The following NUP210L variants were observed in gnomAD, a reference collection of about 807,000 sequenced individuals.
NUP210L encodes nuclear pore membrane glycoprotein 210-like.
A neutral mutation model predicts 208.5 loss-of-function variants in NUP210L; 74 were observed. That is an observed-to-expected ratio of 0.35 (90% CI 0.29 to 0.43). The LOEUF is 0.43. Ranked by LOEUF, NUP210L falls within the 20% of genes least tolerant of loss-of-function variation. NUP210L has a pLI of 1.00. For synonymous variants in NUP210L, 780 were observed against 816.9 expected, an observed-to-expected ratio of 0.95 and a Z score of 0.77; for missense variants, 1,843 against 2,289.4, an observed-to-expected ratio of 0.81 and a Z score of 3.98.
intron 32 of NUP210L, among the ~76,000 whole-genome samples, chr1:154,021,291 G>A (rs1651546942): frequency 6.6e-6 from 1 of 152,104 alleles, no homozygotes; most frequent in Non-Finnish European, 1.5e-5. Flanking sequence ...TTGTTTTCAA[G>A]AGTATAGTTG....
intron 16 of NUP210L, among the ~76,000 whole-genome samples, chr1:154,074,151 C>T (rs1464771692): frequency 6.6e-6 from 1 of 151,960 alleles, no homozygotes; most frequent in Admixed American, 6.6e-5. Context: ...CACTGGAGAT[C>T]TCTCCAGTAT....
intron 23 of NUP210L, 151 bp downstream of exon 23, chr1:154,056,664 T>C (rs1255000976): frequency 1.5e-6 from 1 of 666,268 alleles, no homozygotes; most frequent in Non-Finnish European, 2.4e-6. Flanking sequence ...TAAGTGATGT[T>C]CCCACCTCAG....
intron 16 of NUP210L, among the ~76,000 whole-genome samples, chr1:154,072,024 G>A (rs1261920483): frequency 1.3e-5 from 2 of 151,388 alleles, no homozygotes; most frequent in East Asian, 3.9e-4. Flanking sequence ...TTATCCACTC[G>A]TTAATTGATG....
At chr1:154,106,059 G>A (rs1656744208) in intron 12 of NUP210L, among the ~76,000 whole-genome samples, 1 of 151,968 alleles carries the variant, frequency 6.6e-6, no homozygotes, top group Admixed American at 6.6e-5. Context: ...TCAGGTGTTC[G>A]AGACCAGCCT....
At chr1:154,089,459 C>T (rs1406115174) in exon 16 of NUP210L, 1 of 1,614,168 alleles carries the variant, frequency 6.2e-7, no homozygotes, top group Non-Finnish European at 8.5e-7. Flanking sequence ...CATGGCTGGG[C>T]ACCAGCTGGC....
At chr1:154,139,720 T>A in intron 5 of NUP210L, 82 bp downstream of exon 5, 1 of 1,049,394 alleles carries the variant, frequency 9.5e-7, no homozygotes, top group Non-Finnish European at 1.4e-6. Flanking sequence ...GGGTAGTGCA[T>A]TCTTGTAGTA....
intron 37 of NUP210L, among the ~76,000 whole-genome samples, chr1:153,999,567 A>G (rs1650087674): frequency 1.3e-5 from 2 of 151,854 alleles, no homozygotes; most frequent in Admixed American, 1.3e-4. Flanking sequence ...GTGAAACCCC[A>G]TTTCTACAAA....
chr1:154,010,247 G>T, intron 34 of NUP210L, 126 bp from the exon 35 acceptor site: 1 of 792,780 alleles, frequency 1.3e-6, no homozygotes, highest in Non-Finnish European at 2.0e-6. Flanking sequence ...GTTATGGCTG[G>T]TTTGCCCACC....
intron 30 of NUP210L, 100 bp downstream of exon 30, chr1:154,025,442 G>T: frequency 1.4e-5 from 9 of 639,590 alleles, no homozygotes; most frequent in Non-Finnish European, 1.4e-5. Flanking sequence ...TTAATGGCAT[G>T]ATAAGAAAAT....
At chr1:154,145,770 G>A (rs1207351282) in intron 2 of NUP210L, among the ~76,000 whole-genome samples, 1 of 152,124 alleles carries the variant, frequency 6.6e-6, no homozygotes, top group Non-Finnish European at 1.5e-5. Flanking sequence ...TAATATCTAT[G>A]CAGATAGATA....
intron 24 of NUP210L, 134 bp downstream of exon 24, chr1:154,054,636 T>C: frequency 1.3e-6 from 1 of 774,382 alleles, no homozygotes; most frequent in East Asian, 2.7e-5. Context: ...ATACTAATCT[T>C]GTTCTTTATC....
chr1:154,078,091 GC>G (rs1655133554), intron 16 of NUP210L, among the ~76,000 whole-genome samples: 1 of 151,510 alleles, frequency 6.6e-6, no homozygotes, highest in Non-Finnish European at 1.5e-5. Flanking sequence ...GATCGCTTGA[GC>G]CCAGGAGTTC....
intron 25 of NUP210L, among the ~76,000 whole-genome samples, chr1:154,049,179 G>A (rs978929962): frequency 1.3e-5 from 2 of 152,148 alleles, no homozygotes; most frequent in African/African-American, 4.8e-5. Context: ...AGCCCCTGAA[G>A]TATATCAAAG....
Position 154,039,074 on chromosome 1 carries a change from T to G in NUP210L, c.3696+6995A>C, listed in dbSNP as rs1394382868. 2.0e-5 allele frequency among the ~76,000 whole-genome samples: 3 copies of G among 152,296 alleles called. No individual in the cohort carries two copies. In the East Asian group the frequency reaches 5.8e-4, roughly 29 times the overall value. Reference sequence around the variant, plus strand: ...ATTACAGCGTTATAATATTCTGTGGTTTTCTGTGTACTTACTATTACCAGT... The same window carrying G: ...ATTACAGCGTTATAATATTCTGTGGGTTTCTGTGTACTTACTATTACCAGT... On this transcript the variant is annotated intron_variant, in intron 27 of 39. Coordinates refer to ENST00000368559, the Ensembl canonical transcript of NUP210L.
At chr1:154,088,686 T>G (rs886149050) in intron 16 of NUP210L, among the ~76,000 whole-genome samples, 2 of 152,106 alleles carry the variant, frequency 1.3e-5, no homozygotes, top group Non-Finnish European at 2.9e-5. Flanking sequence ...TACTTTGGAG[T>G]CAGACAGAAT....
intron 4 of NUP210L, among the ~76,000 whole-genome samples, chr1:154,141,078 A>G (rs1416722007): frequency 2.0e-5 from 3 of 151,672 alleles, no homozygotes; most frequent in South Asian, 4.2e-4. Context: ...TCTGAGATCT[A>G]CTCCTTGGTA....
chr1:154,016,248 T>TTAAAAGAAAAAAAAACAGTGA (rs1314600116), intron 33 of NUP210L, among the ~76,000 whole-genome samples: 2 of 151,282 alleles, frequency 1.3e-5, no homozygotes, highest in African/African-American at 4.9e-5. Context: ...AGTGAGACAC[T>TTAAAAGAAAAAAAAACAGTGA]GTCTCTTAAA....
intron 34 of NUP210L, 75 bp downstream of exon 34, chr1:154,012,169 T>C: frequency 6.8e-7 from 1 of 1,467,674 alleles, no homozygotes; most frequent in Non-Finnish European, 9.3e-7. Flanking sequence ...GGATTACTAA[T>C]CCAAAGGGAT....
chr1:154,046,568 A>G (rs1274791017), intron 25 of NUP210L, among the ~76,000 whole-genome samples, 199 bp from the exon 26 acceptor site: 1 of 152,230 alleles, frequency 6.6e-6, no homozygotes, highest in African/African-American at 2.4e-5. Flanking sequence ...GATAAAGAAA[A>G]TGTGGTACAT....
Sources: allele counts gnomAD v4.1 joint callset (sites outside exome capture counted in the v4.1 genomes callset), GRCh38; gene constraint gnomAD v4.1.1; transcripts MANE v1.5; gene names NCBI Gene and HGNC (gene_info 2026-07-23, HGNC 2026-07-21).